ZNF544: variants seen among roughly 807,000 people sequenced by gnomAD.
ZNF544 encodes zinc finger protein 544.
ZNF544 carries 10 observed loss-of-function variants against 13.5 expected under a neutral mutation model. The ratio of observed to expected loss-of-function variants is 0.74; its 90% CI spans 0.46 to 1.25. The LOEUF (loss-of-function observed/expected upper bound fraction) is 1.25. Ranked by LOEUF, ZNF544 falls within the 50% of genes most tolerant of loss-of-function variation. The pLI, the probability that ZNF544 is intolerant of heterozygous loss-of-function variation, is 0.00. For missense variants in ZNF544, 896 were observed against 845.6 expected (o/e 1.06, Z -0.74); for synonymous variants, 323 against 300.5 (o/e 1.07, Z -0.77).
intron 6 of ZNF544, among the ~76,000 whole-genome samples, chr19:58,248,929 C>T (rs2045852614): frequency 6.6e-6 from 1 of 152,162 alleles, no homozygotes; most frequent in Admixed American, 6.5e-5. Context: ...GAAGTAGTGG[C>T]CCATAACTAG....
intron 6 of ZNF544, chr19:58,277,149 T>A: frequency 8.1e-7 from 1 of 1,230,212 alleles, no homozygotes; most frequent in Non-Finnish European, 1.0e-6. Flanking sequence ...TCTCATAATT[T>A]TGTGTAACTT....
chr19:58,265,117 A>G (rs62114176), downstream of ZNF544, among the ~76,000 whole-genome samples: 80,740 of 151,370 alleles, frequency 0.53, 21,731 homozygotes, highest in Middle Eastern at 0.65. Flanking sequence ...GCAGCATGTT[A>G]ATATGGAAAA....
rs781747390 is a variant in ZNF544, at chr19:58,262,918, C to T, written c.*164C>T. ...ATCCTGGAGAAAAGCCCTACGAATG[C>T]ATTGATTGTGGGAAAGCCTTCAATG... On this transcript the variant is annotated 3_prime_UTR_variant, in exon 7 of 7. Coordinates refer to ENST00000687789, the MANE Select transcript of ZNF544 (RefSeq NM_014480.4). 1.2e-4 allele frequency: 167 copies of T among 1,445,132 alleles called. 1 individual carries two copies. The highest frequency in any genetic ancestry group is 6.7e-4 in the Middle Eastern group (3 of 4,468). 89.5% of individuals were successfully genotyped at this position (1,445,132 alleles called of 1,614,324 possible). A position where few individuals can be genotyped will look rare whatever the true frequency, so the allele number is the denominator to read the frequency against.
chr19:58,252,793 G>T (rs1016006641), intron 6 of ZNF544, among the ~76,000 whole-genome samples: 14 of 152,052 alleles, frequency 9.2e-5, no homozygotes. Flanking sequence ...ATATTTCCCC[G>T]TATCATAATC....
chr19:58,248,273 C>CTTTTTTTTTTTTTT (rs34774786), intron 6 of ZNF544, among the ~76,000 whole-genome samples: 1 of 108,516 alleles, frequency 9.2e-6, no homozygotes, highest in Non-Finnish European at 1.8e-5. Flanking sequence ...TTTTTTTTTT[C>CTTTTTTTTTTTTTT]TTTTTTTTTT....
Position 58,261,545 on chromosome 19 carries a change from T to A in ZNF544, c.939T>A (p.Leu313=). ...AAACCTGTTCTGAGAGTCTGTGCCTTGTACAAACAGAAAGAAGTGGCCCTG... is the reference window on the plus strand; with the variant it reads ...AAACCTGTTCTGAGAGTCTGTGCCTAGTACAAACAGAAAGAAGTGGCCCTG... The part of the protein sequence containing the change: ...CRETCSESLC[L]VQTERSGPGE... Residue 313 remains leucine (L), a synonymous_variant, in exon 7 of 7, where the codon CTT becomes CTA. Coordinates refer to ENST00000687789, the MANE Select transcript of ZNF544 (RefSeq NM_014480.4). 1 of 1,614,184 alleles carries A rather than the reference T, an allele frequency of 6.2e-7. No homozygotes were observed. The highest frequency in any genetic ancestry group is 8.5e-7 in the Non-Finnish European group (1 of 1,180,032).
At chr19:58,267,372 T>C (rs1200644395), downstream of ZNF544, among the ~76,000 whole-genome samples, 1 of 151,288 alleles carries the variant, frequency 6.6e-6, no homozygotes, top group African/African-American at 2.4e-5. Flanking sequence ...GAATCAAATA[T>C]TTAAAGCATT....
chr19:58,261,876 A>G lies in ZNF544; in HGVS notation c.1270A>G (p.Ile424Val). Reference protein sequence around the residue: ...GKSFTQRSKLITHQRIHTGEK... With the variant: ...GKSFTQRSKLVTHQRIHTGEK... ...ATCCTTCACCCAGAGATCCAAACTT[A>G]TTACACATCAGCGAATTCACACTGG... Residue 424 changes from isoleucine (I) to valine (V), a missense_variant, in exon 7 of 7, where the codon ATT becomes GTT. Transcript: ENST00000687789. 1 of 1,613,068 alleles carries G rather than the reference A, an allele frequency of 6.2e-7. No individual in the cohort carries two copies. The highest frequency in any genetic ancestry group is 8.5e-7 in the Non-Finnish European group (1 of 1,179,774).
chr19:58,243,764 G>T (rs2044438149), intron 3 of ZNF544, among the ~76,000 whole-genome samples: 2 of 152,154 alleles, frequency 1.3e-5, no homozygotes, highest in South Asian at 2.1e-4. Context: ...GCTGCTGCGT[G>T]TCTGGACTCA....
chr19:58,273,638 C>T (rs957443963), intron 5 of ZNF544, among the ~76,000 whole-genome samples: 5 of 146,330 alleles, frequency 3.4e-5, no homozygotes, highest in Admixed American at 6.9e-5. Context: ...TGCAGTGGGC[C>T]GAGATCGTGT....
In ZNF544 at chr19:58,262,459, A is replaced by G; in HGVS notation, c.1853A>G (p.Gln618Arg). The change falls in exon 7 of 7, where the codon CAG becomes CGG. Residue 618 changes from glutamine to arginine, a missense_variant. Coordinates refer to ENST00000687789, the MANE Select transcript of ZNF544 (RefSeq NM_014480.4). Reference protein sequence around the residue: ...ECGKAFNRSTQLIRHLQIHTG... With the variant: ...ECGKAFNRSTRLIRHLQIHTG... ...GGAAAAGCCTTCAATCGAAGCACTC[A>G]GCTCATCAGGCATCTGCAAATTCAC... The G allele has an allele frequency of 6.2e-7, 1 of 1,614,208 alleles. No individual in the cohort carries two copies. Among genetic ancestry groups the G allele is most frequent in the Non-Finnish European group, 8.5e-7 (1 of 1,180,026 alleles).
chr19:58,261,500 T>G lies in ZNF544; in HGVS notation c.894T>G (p.Tyr298Ter), dbSNP rs754500930. The change falls in exon 7 of 7, where the codon TAT becomes TAG. Residue 298 changes from tyrosine (Y) to a stop codon, truncating the protein, a stop_gained. Coordinates refer to ENST00000687789, the MANE Select transcript of ZNF544 (RefSeq NM_014480.4). LOFTEE classifies it low-confidence loss of function (END_TRUNC). ...QKPVHFGKSQ[Y>*]ECDECRETCS... The stretch of plus-strand genomic sequence containing the variant: ...CAGTGCATTTTGGGAAAAGTCAGTA[T>G]GAGTGTGATGAGTGCAGGGAAACCT... The G allele has an allele frequency of 1.2e-6, 2 of 1,614,146 alleles. No individual in the cohort carries two copies. The highest frequency in any genetic ancestry group is 1.7e-6 in the Non-Finnish European group (2 of 1,180,036).
rs138966674 is a variant in ZNF544, at chr19:58,237,991, G to A, written c.-59-5974G>A. Among the ~76,000 whole-genome samples the A allele has an allele frequency of 3.3e-5, 5 of 152,342 alleles. No individual in the cohort carries two copies. The East Asian group carries it at 9.6e-4, about 29-fold the overall frequency. ...CTTGTTGCTCAGACTGGAGTGCAAT[G>A]GCACGATCTCAGCTCACTGCAACCT... On this transcript the variant is annotated intron_variant, in intron 3 of 6. Transcript: ENST00000687789.
At chr19:58,239,404 A>C (rs1216563685) in intron 3 of ZNF544, among the ~76,000 whole-genome samples, 2 of 152,194 alleles carry the variant, frequency 1.3e-5, no homozygotes, top group African/African-American at 4.8e-5. Flanking sequence ...CCGGAAAGCA[A>C]AACTGCCCCC....
At chr19:58,271,143 T>A (rs1446373319) in intron 5 of ZNF544, among the ~76,000 whole-genome samples, 1 of 144,422 alleles carries the variant, frequency 6.9e-6, no homozygotes, top group Non-Finnish European at 1.5e-5. Flanking sequence ...ACCCAGGAAG[T>A]GGAGGTTGCA....
Position 58,260,990 on chromosome 19 carries a change from G to A in ZNF544, c.384G>A (p.Gln128=), listed in dbSNP as rs368576986. The A allele has an allele frequency of 6.8e-6, 11 of 1,614,182 alleles. No homozygotes were observed. In the African/African-American group the frequency reaches 8.0e-5, roughly 12 times the overall value. Reference sequence around the variant, plus strand: ...TGGTATTAGGAAAAGTGCAAGATCAGAGCAACCAGTTAAGGGAACACCAGG... The same window carrying A: ...TGGTATTAGGAAAAGTGCAAGATCAAAGCAACCAGTTAAGGGAACACCAGG... The part of the protein sequence containing the change: ...PSLVLGKVQD[Q]SNQLREHQEN... Residue 128 remains glutamine (Q), a synonymous_variant, in exon 7 of 7, where the codon CAG becomes CAA. Coordinates refer to ENST00000687789, the MANE Select transcript of ZNF544 (RefSeq NM_014480.4).
chr19:58,273,420 A>G (rs61217126), intron 5 of ZNF544, among the ~76,000 whole-genome samples: 2,062 of 149,948 alleles, frequency 0.014, 37 homozygotes, highest in African/African-American at 0.042. Context: ...GCCGGGAACG[A>G]TGGCTCACGC....
chr19:58,238,093 C>T (rs181719886), intron 3 of ZNF544, among the ~76,000 whole-genome samples: 188 of 152,234 alleles, frequency 1.2e-3, no homozygotes, highest in Admixed American at 3.9e-3. Flanking sequence ...CCACCACGCC[C>T]GGCTAATTTT....
chr19:58,276,659 G>C (rs2051248167), intron 6 of ZNF544, among the ~76,000 whole-genome samples: 2 of 152,138 alleles, frequency 1.3e-5, no homozygotes, highest in South Asian at 4.1e-4. Flanking sequence ...TTAGAGACAA[G>C]GTTTCACCAT....
Sources: allele counts gnomAD v4.1 joint callset (sites outside exome capture counted in the v4.1 genomes callset), GRCh38; gene constraint gnomAD v4.1.1; transcripts MANE v1.5; gene names NCBI Gene and HGNC (gene_info 2026-07-23, HGNC 2026-07-21).